Variants in ZNF227 observed in about 807,000 individuals in gnomAD.
ZNF227 encodes the protein zinc finger protein 227.
Under a neutral mutation model 13.2 loss-of-function variants are expected in ZNF227, and 12 were observed. That is an observed-to-expected ratio of 0.91 (90% CI 0.58 to 1.47). The LOEUF (loss-of-function observed/expected upper bound fraction) is 1.47, where lower values mean the gene tolerates loss of function less well. Among genes scored for constraint, ZNF227 ranks in the 40% most tolerant of loss-of-function variants. ZNF227 has a pLI of 0.00. For missense variants in ZNF227, 885 were observed against 967.5 expected, an observed-to-expected ratio of 0.91 and a Z score of 1.13; for synonymous variants, 338 against 326.0, an observed-to-expected ratio of 1.04 and a Z score of -0.40.
At position 44,235,490 on chromosome 19, in the gene ZNF227, T is replaced by C; in HGVS notation, c.1060T>C (p.Cys354Arg). ...TCATACTGGAGAGAAACCCTATAAA[T>C]GCGAGGAATGTGGTAAATGCTTTAG... is the stretch of plus-strand genomic sequence containing the variant. ...RTHTGEKPYK[C>R]EECGKCFSQS... The change falls in exon 6 of 6, where the codon TGC becomes CGC. Residue 354 changes from cysteine to arginine, a missense_variant. By Grantham distance (180) the Cys-to-Arg change is radical. Coordinates refer to ENST00000313040, the MANE Select transcript of ZNF227 (RefSeq NM_182490.3). The C allele has an allele frequency of 6.2e-7, 1 of 1,614,130 alleles. No homozygotes were observed. The highest frequency in any genetic ancestry group is 1.1e-5 in the South Asian group (1 of 91,082).
intron 3 of ZNF227, among the ~76,000 whole-genome samples, chr19:44,220,177 C>T (rs968120754): frequency 6.6e-5 from 10 of 152,178 alleles, no homozygotes; most frequent in East Asian, 3.9e-4. Context: ...ATCCATCTAT[C>T]GTTGTTGGAC....
chr19:44,234,784 A>G lies in ZNF227; in HGVS notation c.354A>G (p.Gln118=), dbSNP rs1390026077. 12 of 1,613,736 alleles carry G rather than the reference A, an allele frequency of 7.4e-6. No individual in the cohort carries two copies. The highest frequency in any genetic ancestry group is 1.0e-5 in the Non-Finnish European group (12 of 1,179,936). Residue 118 remains glutamine (Q), a synonymous_variant, in exon 6 of 6, where the codon CAA becomes CAG. Transcript: ENST00000313040. ...YLSNQELSCW[Q]IWKQVASELT... The stretch of plus-strand genomic sequence containing the variant: ...CAAATCAAGAGCTGTCCTGCTGGCA[A>G]ATCTGGAAACAGGTTGCAAGTGAAT...
Position 44,228,585 on chromosome 19 carries a change from ACT to A in ZNF227, c.187+18_187+19del. On this transcript the variant is annotated intron_variant, in intron 4 of 5. Transcript: ENST00000313040. The stretch of plus-strand genomic sequence containing the variant: ...CTGGTTGCAGTGGGTGAGGACAGGC[ACT>A]CTCTGACCCTGAACTTCAGTTCCCT... The A allele has an allele frequency of 1.2e-6, 2 of 1,601,822 alleles. No homozygotes were observed. Among genetic ancestry groups the A allele is most frequent in the Non-Finnish European group, 1.7e-6 (2 of 1,175,578 alleles).
chr19:44,225,096 C>T (rs1481577206), intron 3 of ZNF227, among the ~76,000 whole-genome samples: 3 of 151,822 alleles, frequency 2.0e-5, no homozygotes, highest in Non-Finnish European at 2.9e-5. Flanking sequence ...AATATTGGCC[C>T]CCACTCTCTT....
At chr19:44,231,066 A>G (rs563647822) in intron 5 of ZNF227, among the ~76,000 whole-genome samples, 65 of 150,884 alleles carry the variant, frequency 4.3e-4, no homozygotes, top group African/African-American at 1.6e-3. Context: ...CTTGTCTCCC[A>G]CACACACAAA....
chr19:44,215,375 A>G (rs1028278331), intron 2 of ZNF227, among the ~76,000 whole-genome samples: 5 of 150,678 alleles, frequency 3.3e-5, no homozygotes, highest in East Asian at 2.0e-4. Flanking sequence ...TCAGTACAGT[A>G]TATCTTTTTT....
At position 44,235,130 on chromosome 19, in the gene ZNF227, A is replaced by G. The variant is rs774358985; in HGVS notation, c.700A>G (p.Ile234Val). 4 of 1,614,076 alleles carry G rather than the reference A, an allele frequency of 2.5e-6. No homozygotes were observed. The South Asian group carries it at 4.4e-5, about 18-fold the overall frequency. The change falls in exon 6 of 6, where the codon ATC becomes GTC. Residue 234 changes from isoleucine (I) to valine (V), a missense_variant. Coordinates refer to ENST00000313040, the MANE Select transcript of ZNF227 (RefSeq NM_182490.3). Reference protein sequence around the residue: ...KPCKGNEYGKIISDGSNQKLP... With the variant: ...KPCKGNEYGKVISDGSNQKLP... ...CTGCAAAGGTAATGAATATGGCAAA[A>G]TCATTAGTGATGGCTCCAATCAGAA...
chr19:44,212,738 A>C (rs1307327060), intron 1 of ZNF227, 153 bp downstream of exon 1: 1 of 152,228 alleles, frequency 6.6e-6, no homozygotes, highest in Admixed American at 6.5e-5. Flanking sequence ...CTCCTCCCGC[A>C]CTTGGCAAGC....
At chr19:44,228,677 A>C (rs1973455412) in intron 4 of ZNF227, 105 bp downstream of exon 4, 1 of 1,300,482 alleles carries the variant, frequency 7.7e-7, no homozygotes, top group Non-Finnish European at 1.0e-6. Flanking sequence ...TTTGCTCTTG[A>C]AGACAAAAGG....
chr19:44,212,676 G>C (rs1971456657), intron 1 of ZNF227, 91 bp downstream of exon 1: 5 of 152,246 alleles, frequency 3.3e-5, no homozygotes, highest in African/African-American at 9.7e-5. Flanking sequence ...TCTTGGGATG[G>C]AGAGGTCGCG....
chr19:44,232,120 C>T (rs1973902196), intron 5 of ZNF227, among the ~76,000 whole-genome samples: 1 of 152,186 alleles, frequency 6.6e-6, no homozygotes, highest in African/African-American at 2.4e-5. Flanking sequence ...ACTGACATAC[C>T]TGTGGAGTTG....
chr19:44,210,749 G>T (rs914980990), upstream of ZNF227, among the ~76,000 whole-genome samples: 1 of 152,200 alleles, frequency 6.6e-6, no homozygotes, highest in African/African-American at 2.4e-5. Flanking sequence ...CTGTTTGTGC[G>T]ACTTGTTAAA....
At chr19:44,212,801 C>A (rs1415419432) in intron 1 of ZNF227, 1 of 152,184 alleles carries the variant, frequency 6.6e-6, no homozygotes, top group Admixed American at 6.5e-5. Flanking sequence ...ATGATCCGCG[C>A]TCCTGTTTCC....
Position 44,236,101 on chromosome 19 carries a change from C to CAGTT in ZNF227, c.1673_1676dup (p.Tyr559Ter). The CAGTT allele has an allele frequency of 1.9e-6, 3 of 1,613,674 alleles. No individual in the cohort carries two copies. Among genetic ancestry groups the CAGTT allele is most frequent in the Non-Finnish European group, 2.5e-6 (3 of 1,179,890 alleles). On this transcript the variant is annotated frameshift_variant, in exon 6 of 6. Transcript: ENST00000313040. LOFTEE classifies it low-confidence loss of function (END_TRUNC). ...GATGTGATGTGTGTGGTAAGGACTT[C>CAGTT]AGTTATAGTTCAAATCTTAAACTAC...
At chr19:44,225,867 GCT>G (rs1217085577) in intron 3 of ZNF227, among the ~76,000 whole-genome samples, 1 of 152,110 alleles carries the variant, frequency 6.6e-6, no homozygotes, top group African/African-American at 2.4e-5. Flanking sequence ...CAGTTTTTCT[GCT>G]CTGTTTTTTC....
At chr19:44,211,212 A>T (rs1330994869), upstream of ZNF227, among the ~76,000 whole-genome samples, 2 of 51,626 alleles carry the variant, frequency 3.9e-5, no homozygotes, top group Non-Finnish European at 1.4e-4. Context: ...AACAACAACA[A>T]CAACAACAAC....
intron 3 of ZNF227, among the ~76,000 whole-genome samples, chr19:44,224,027 G>A (rs1972830199): frequency 6.6e-6 from 1 of 152,228 alleles, no homozygotes; most frequent in African/African-American, 2.4e-5. Context: ...TATATACCCA[G>A]TAGTCATTCA....
At position 44,236,954 on chromosome 19, in the gene ZNF227, C is replaced by A; in HGVS notation, c.*124C>A. 1 of 723,264 alleles carries A rather than the reference C, an allele frequency of 1.4e-6. No homozygotes were observed. The highest frequency in any genetic ancestry group is 2.2e-6 in the Non-Finnish European group (1 of 453,260). The allele number at this position is 723,264 out of a possible 1,614,324, so 44.8% of individuals were successfully genotyped here. ...AAGGGGGTTTGTTCACACTTGGAAT[C>A]TTTCTAACAAATCCATCAAGATGAT... On this transcript the variant is annotated 3_prime_UTR_variant, in exon 6 of 6. Coordinates refer to ENST00000313040, the MANE Select transcript of ZNF227 (RefSeq NM_182490.3).
rs373740883 is a variant in ZNF227, at chr19:44,219,468, T to A, written c.60+1616T>A. Among the ~76,000 whole-genome samples, 23 of 152,224 alleles carry A rather than the reference T, an allele frequency of 1.5e-4. 1 individual carries two copies. Among genetic ancestry groups the A allele is most frequent in the African/African-American group, 5.5e-4 (23 of 41,552 alleles). On this transcript the variant is annotated intron_variant, in intron 3 of 5. Transcript: ENST00000313040. ...AATATAGAGAAAATTCCAACTGGAA[T>A]ATGAGCAAAAGAAATGAATAGGAGT...
Sources: gnomAD v4.1 joint callset for allele counts (sites outside exome capture counted in the v4.1 genomes callset) on GRCh38, gnomAD v4.1.1 for gene constraint, MANE v1.5 for transcripts, NCBI Gene and HGNC (gene_info 2026-07-23, HGNC 2026-07-21) for gene names.